Variants in FBXL7 observed in about 807,000 individuals in gnomAD.
The protein encoded by FBXL7 is F-box/LRR-repeat protein 7.
Under a neutral mutation model 38.3 loss-of-function variants are expected in FBXL7, and 12 were observed. The observed-to-expected ratio is 0.31, with a 90% CI of 0.20 to 0.51. The LOEUF (loss-of-function observed/expected upper bound fraction) is 0.51, where lower values mean the gene tolerates loss of function less well. Among genes scored for constraint, FBXL7 ranks in the 20% least tolerant of loss-of-function variants. The probability of loss-of-function intolerance (pLI) is 0.98; values close to 1 mark genes in which losing one functional copy is unlikely to be tolerated. For synonymous variants in FBXL7, 297 were observed against 300.9 expected (o/e 0.99, Z 0.13); for missense variants, 567 against 676.4 (o/e 0.84, Z 1.79).
At chr5:15,608,591 T>C (rs1288375245) in intron 1 of FBXL7, among the ~76,000 whole-genome samples, 1 of 152,150 alleles carries the variant, frequency 6.6e-6, no homozygotes, top group Non-Finnish European at 1.5e-5. Context: ...ATCAGTGGAC[T>C]TTAAGTAAAG....
chr5:15,662,049 G>A (rs1742097562), intron 2 of FBXL7, among the ~76,000 whole-genome samples: 1 of 152,194 alleles, frequency 6.6e-6, no homozygotes, highest in African/African-American at 2.4e-5. Context: ...TACAAAGCCA[G>A]TAAAGGGATT....
In FBXL7 at chr5:15,937,765, A is replaced by C; in HGVS notation, c.*579A>C. ...TTTTAAAAAATTCATTACAGCAAAC[A>C]GCTGGGGAAGGACATGCAGTCCTCC... On this transcript the variant is annotated 3_prime_UTR_variant, in exon 4 of 4. Transcript: ENST00000504595. 6.5e-6 allele frequency: 1 copy of C among 152,978 alleles called. No individual in the cohort carries two copies. Among genetic ancestry groups the C allele is most frequent in the Non-Finnish European group, 1.5e-5 (1 of 68,608 alleles). 9.5% of individuals were successfully genotyped at this position (152,978 alleles called of 1,614,324 possible). A position where few individuals can be genotyped will look rare whatever the true frequency, so the allele number is the denominator to read the frequency against.
At chr5:15,721,363 CAG>C (rs1339197340) in intron 2 of FBXL7, among the ~76,000 whole-genome samples, 1 of 151,994 alleles carries the variant, frequency 6.6e-6, no homozygotes, top group East Asian at 1.9e-4. Context: ...CTCAAGGTTG[CAG>C]AGTTATGAGA....
intron 2 of FBXL7, among the ~76,000 whole-genome samples, chr5:15,666,447 T>G (rs1341319095): frequency 6.6e-6 from 1 of 152,202 alleles, no homozygotes; most frequent in Non-Finnish European, 1.5e-5. Flanking sequence ...TGGTGTCAGC[T>G]GTACATAGTA....
At chr5:15,520,168 G>A (rs1209909732) in intron 1 of FBXL7, among the ~76,000 whole-genome samples, 2 of 152,142 alleles carry the variant, frequency 1.3e-5, no homozygotes, top group South Asian at 2.1e-4. Context: ...CTTGGTTTTG[G>A]TGGGTTTTGG....
At chr5:15,878,414 T>C (rs1475358568) in intron 2 of FBXL7, among the ~76,000 whole-genome samples, 1 of 152,096 alleles carries the variant, frequency 6.6e-6, no homozygotes, top group Non-Finnish European at 1.5e-5. Context: ...TCCCCCCAAG[T>C]CTCTCTCCAT....
chr5:15,555,187 C>T (rs1028450770), intron 1 of FBXL7, among the ~76,000 whole-genome samples: 8 of 152,274 alleles, frequency 5.3e-5, no homozygotes, highest in South Asian at 2.1e-4. Context: ...CATGTGTGCA[C>T]GCACAGACAC....
At chr5:15,792,706 C>A (rs1490037149) in intron 2 of FBXL7, among the ~76,000 whole-genome samples, 3 of 152,176 alleles carry the variant, frequency 2.0e-5, no homozygotes, top group Non-Finnish European at 4.4e-5. Context: ...TACAGCACCA[C>A]CTCCCTATCA....
At chr5:15,525,002 A>G (rs904334276) in intron 1 of FBXL7, among the ~76,000 whole-genome samples, 1 of 152,206 alleles carries the variant, frequency 6.6e-6, no homozygotes, top group Non-Finnish European at 1.5e-5. Context: ...GCCTCTCTCC[A>G]TCACATGTGT....
intron 1 of FBXL7, among the ~76,000 whole-genome samples, chr5:15,571,530 G>C (rs1370217084): frequency 6.6e-6 from 1 of 152,020 alleles, no homozygotes; most frequent in Non-Finnish European, 1.5e-5. Context: ...AAAATGATTT[G>C]ACCAGGTGAG....
chr5:15,920,990 T>C (rs1741725335), intron 2 of FBXL7, among the ~76,000 whole-genome samples: 2 of 152,234 alleles, frequency 1.3e-5, no homozygotes, highest in South Asian at 4.1e-4. Context: ...TCTGCCTTCA[T>C]GACACTTGTA....
At chr5:15,559,290 C>T (rs1181941966) in intron 1 of FBXL7, among the ~76,000 whole-genome samples, 1 of 152,012 alleles carries the variant, frequency 6.6e-6, no homozygotes, top group Non-Finnish European at 1.5e-5. Context: ...AGTTATGGTC[C>T]CATTCAGATA....
At chr5:15,782,886 T>C (rs1269163945) in intron 2 of FBXL7, among the ~76,000 whole-genome samples, 1 of 152,042 alleles carries the variant, frequency 6.6e-6, no homozygotes, top group Admixed American at 6.6e-5. Context: ...GAAAAGTAAA[T>C]CTAGGAAATG....
chr5:15,744,292 G>C (rs1735959967), intron 2 of FBXL7, among the ~76,000 whole-genome samples: 1 of 151,480 alleles, frequency 6.6e-6, no homozygotes, highest in South Asian at 2.1e-4. Flanking sequence ...CTTCTGCCAG[G>C]TACCCTAAAT....
At chr5:15,693,812 C>G (rs1392776191) in intron 2 of FBXL7, among the ~76,000 whole-genome samples, 1 of 152,170 alleles carries the variant, frequency 6.6e-6, no homozygotes, top group African/African-American at 2.4e-5. Flanking sequence ...AGCAGCCCGA[C>G]TCCAGGGTAA....
intron 2 of FBXL7, among the ~76,000 whole-genome samples, chr5:15,758,799 C>T (rs190341045): frequency 6.6e-6 from 1 of 152,202 alleles, no homozygotes; most frequent in East Asian, 1.9e-4. Context: ...GTGCAATTAA[C>T]TCGAATTGCT....
At chr5:15,549,116 G>C (rs1737994645) in intron 1 of FBXL7, among the ~76,000 whole-genome samples, 1 of 152,222 alleles carries the variant, frequency 6.6e-6, no homozygotes, top group East Asian at 1.9e-4. Flanking sequence ...ATGTGACCCT[G>C]TTCCAAGCTT....
At chr5:15,901,946 G>T (rs1741243255) in intron 2 of FBXL7, among the ~76,000 whole-genome samples, 1 of 152,120 alleles carries the variant, frequency 6.6e-6, no homozygotes, top group Admixed American at 6.6e-5. Flanking sequence ...CATTTAACTT[G>T]CATTGTTCAG....
intron 2 of FBXL7, among the ~76,000 whole-genome samples, chr5:15,765,593 G>T (rs970206448): frequency 1.3e-5 from 2 of 152,172 alleles, no homozygotes; most frequent in African/African-American, 4.8e-5. Context: ...AGGTTGTATT[G>T]TAGTGCAAGC....
Sources: allele counts gnomAD v4.1 joint callset (sites outside exome capture counted in the v4.1 genomes callset), GRCh38; gene constraint gnomAD v4.1.1; transcripts MANE v1.5; gene names NCBI Gene and HGNC (gene_info 2026-07-23, HGNC 2026-07-21).